DDX6: variants seen among roughly 807,000 people sequenced by gnomAD.
DDX6 encodes DEAD-box helicase 6.
A neutral mutation model predicts 60.6 loss-of-function variants in DDX6; 7 were observed. That is an observed-to-expected ratio of 0.12 (90% CI 0.07 to 0.22). The LOEUF is 0.22. Ranked by LOEUF, DDX6 falls within the 10% of genes least tolerant of loss-of-function variation. DDX6 has a pLI of 1.00. For missense variants in DDX6, 270 were observed against 589.9 expected (o/e 0.46, Z 5.62); for synonymous variants, 207 against 201.0 (o/e 1.03, Z -0.25).
intron 5 of DDX6, among the ~76,000 whole-genome samples, 157 bp from the exon 6 acceptor site, chr11:118,765,512 C>T (rs1314022470): frequency 4.6e-5 from 7 of 152,122 alleles, no homozygotes; most frequent in Admixed American, 6.6e-5. Flanking sequence ...CAGTGGCTCA[C>T]GCCTGTAATC....
intron 2 of DDX6, among the ~76,000 whole-genome samples, chr11:118,782,625 G>A (rs374153956): frequency 4.2e-5 from 6 of 144,080 alleles, no homozygotes; most frequent in African/African-American, 1.5e-4. Flanking sequence ...CCAATTCCAA[G>A]ACTACTACTG....
intron 1 of DDX6, chr11:118,789,938 A>C (rs11217029): frequency 9.6e-6 from 1 of 104,710 alleles, no homozygotes; most frequent in Non-Finnish European, 2.4e-5. Context: ...AAACAAAAAA[A>C]CAAAAAACAA....
chr11:118,755,640 T>C, intron 11 of DDX6, 137 bp from the exon 12 acceptor site: 1 of 582,510 alleles, frequency 1.7e-6, no homozygotes, highest in Non-Finnish European at 3.0e-6. Context: ...TTACTGGCAT[T>C]ACCTTTCATA....
At chr11:118,763,187 A>G (rs563905262) in intron 7 of DDX6, 25 bp downstream of exon 7, 4 of 1,525,956 alleles carry the variant, frequency 2.6e-6, no homozygotes, top group African/African-American at 2.8e-5. Flanking sequence ...ACAGAACAGT[A>G]TAATGCCAAA....
intron 2 of DDX6, among the ~76,000 whole-genome samples, chr11:118,783,803 T>C (rs1354931356): frequency 1.4e-3 from 8 of 5,530 alleles, no homozygotes; most frequent in African/African-American, 3.7e-3. Flanking sequence ...TGAGTGAGAG[T>C]CCATCTCAAA....
chr11:118,768,389 T>A (rs1555161718), intron 4 of DDX6, 37 bp from the exon 5 acceptor site: 1 of 1,607,192 alleles, frequency 6.2e-7, no homozygotes, highest in South Asian at 1.1e-5. Flanking sequence ...TACTTCTGAA[T>A]GTAGTACACA....
intron 1 of DDX6, 183 bp from the exon 2 acceptor site, chr11:118,786,701 A>G (rs556514835): frequency 1.2e-3 from 194 of 165,054 alleles, no homozygotes; most frequent in African/African-American, 4.3e-3. Flanking sequence ...CAAAAACACA[A>G]TGAGGCCAAT....
chr11:118,760,225 A>C (rs146688707), intron 7 of DDX6, among the ~76,000 whole-genome samples, 181 bp from the exon 8 acceptor site: 1 of 152,294 alleles, frequency 6.6e-6, no homozygotes, highest in East Asian at 1.9e-4. Context: ...GGCAAAATCT[A>C]TAATCCCCAT....
Position 118,766,020 on chromosome 11 carries a change from G to A in DDX6, c.500-665C>T, listed in dbSNP as rs1051236033. ...CGAGAGGCAGAGATTGTGGTGAGCCGAGATTGTGCCACTGCACTCCAGTCC... is the reference window on the plus strand; with the variant it reads ...CGAGAGGCAGAGATTGTGGTGAGCCAAGATTGTGCCACTGCACTCCAGTCC... On this transcript the variant is annotated intron_variant, in intron 5 of 13. Transcript: ENST00000534980. 3.3e-5 allele frequency among the ~76,000 whole-genome samples: 5 copies of A among 151,532 alleles called. No homozygotes were observed. The East Asian group carries it at 9.7e-4, about 29-fold the overall frequency.
chr11:118,761,632 C>A, intron 7 of DDX6, among the ~76,000 whole-genome samples: 1 of 142,168 alleles, frequency 7.0e-6, no homozygotes, highest in Non-Finnish European at 1.5e-5. Flanking sequence ...CAAAACAAAA[C>A]AAAAAAGAAA....
chr11:118,769,354 T>A (rs524590), intron 4 of DDX6, among the ~76,000 whole-genome samples: 94,154 of 152,022 alleles, frequency 0.62, 29,665 homozygotes, highest in East Asian at 0.7. Context: ...CTCTGTTCTG[T>A]AATGTGCTCT....
rs187920193 is a variant in DDX6, at chr11:118,766,066, C to T, written c.500-711G>A. Among the ~76,000 whole-genome samples, 4 of 150,952 alleles carry T rather than the reference C, an allele frequency of 2.6e-5. No homozygotes were observed. In the East Asian group the frequency reaches 7.8e-4, roughly 29 times the overall value. On this transcript the variant is annotated intron_variant, in intron 5 of 13. Transcript: ENST00000534980. ...AGTCCAGGCAACAAGAGCGAAACTC[C>T]GTCTCAAATAAAAAAAAAGAAAAGA...
In DDX6 at chr11:118,755,519, ATAATTT is replaced by A. The variant is rs1227856803; in HGVS notation, c.1175-22_1175-17del. On this transcript the variant is annotated splice_polypyrimidine_tract_variant and intron_variant, in intron 11 of 13. Coordinates refer to ENST00000534980, the MANE Select transcript of DDX6 (RefSeq NM_004397.6). ...GTAAACAGATCTTAAAAAAAAAAAG[ATAATTT>A]TCATTTTTTCAATTTAGAAATGTCT... 11 of 1,380,998 alleles carry A rather than the reference ATAATTT, an allele frequency of 8.0e-6. No individual in the cohort carries two copies. The highest frequency in any genetic ancestry group is 1.0e-5 in the Non-Finnish European group (10 of 975,872). 85.5% of individuals were successfully genotyped at this position (1,380,998 alleles called of 1,614,324 possible).
intron 7 of DDX6, among the ~76,000 whole-genome samples, chr11:118,762,721 T>G (rs1591895769): frequency 6.6e-6 from 1 of 152,286 alleles, no homozygotes; most frequent in Middle Eastern, 3.4e-3. Flanking sequence ...TGAACCATCT[T>G]AAGTCAGGGA....
At chr11:118,784,308 A>G (rs1862002332) in intron 2 of DDX6, among the ~76,000 whole-genome samples, 1 of 152,096 alleles carries the variant, frequency 6.6e-6, no homozygotes, top group African/African-American at 2.4e-5. Flanking sequence ...TGAACCACAT[A>G]CGGTAACTAT....
At chr11:118,774,063 A>G (rs1180684735) in intron 4 of DDX6, among the ~76,000 whole-genome samples, 1 of 152,174 alleles carries the variant, frequency 6.6e-6, no homozygotes, top group Admixed American at 6.6e-5. Context: ...TGTTGCCAAC[A>G]GTACGGAGCT....
chr11:118,765,908 T>TA (rs1861337535), intron 5 of DDX6, among the ~76,000 whole-genome samples: 1 of 151,508 alleles, frequency 6.6e-6, no homozygotes, highest in Non-Finnish European at 1.5e-5. Context: ...CTATCTCTAC[T>TA]AAAAATACAA....
intron 7 of DDX6, among the ~76,000 whole-genome samples, chr11:118,762,985 A>C (rs1861226539): frequency 6.6e-6 from 1 of 152,350 alleles, no homozygotes; most frequent in East Asian, 1.9e-4. Flanking sequence ...ATTAAAACCT[A>C]ATGTCTGCTA....
At chr11:118,767,554 T>A (rs1013992232) in intron 5 of DDX6, 4 of 151,582 alleles carry the variant, frequency 2.6e-5, no homozygotes, top group African/African-American at 9.7e-5. Context: ...AACACTCATC[T>A]GCCACAAGAA....
Sources: allele counts gnomAD v4.1 joint callset (sites outside exome capture counted in the v4.1 genomes callset), GRCh38; gene constraint gnomAD v4.1.1; transcripts MANE v1.5; gene names NCBI Gene and HGNC (gene_info 2026-07-23, HGNC 2026-07-21).